The following TALDO1 variants were observed in gnomAD, a reference collection of about 807,000 sequenced individuals.
TALDO1 encodes transaldolase 1, also known as transaldolase.
A neutral mutation model predicts 38.1 loss-of-function variants in TALDO1; 29 were observed. The ratio of observed to expected loss-of-function variants is 0.76; its 90% confidence interval spans 0.57 to 1.04. The LOEUF is 1.04. Ranked by LOEUF, TALDO1 falls within the 50% of genes least tolerant of loss-of-function variation. The pLI is 0.00. For missense variants in TALDO1, 499 were observed against 438.1 expected, an observed-to-expected ratio of 1.14 and a Z score of -1.24; for synonymous variants, 207 against 176.8, an observed-to-expected ratio of 1.17 and a Z score of -1.36.
chr11:755,346 G>A (rs1420668253), intron 1 of TALDO1, among the ~76,000 whole-genome samples: 9 of 151,922 alleles, frequency 5.9e-5, no homozygotes, highest in East Asian at 5.8e-4. Flanking sequence ...GGGTTTCACC[G>A]TGTTAGCCAG....
chr11:749,935 C>T (rs1322685185), intron 1 of TALDO1, among the ~76,000 whole-genome samples: 1 of 152,154 alleles, frequency 6.6e-6, no homozygotes, highest in Non-Finnish European at 1.5e-5. Context: ...GCAAAATCAG[C>T]CCATACAGTC....
chr11:760,122 GCT>G lies in TALDO1; in HGVS notation c.334_335del (p.Ser112LeufsTer2), dbSNP rs1862904418. ...GRVSTEVDAR[L>X]SFDKDAMVAR... ...GGATGGGTTCTTCTTGCTCCTACAG[GCT>G]CTCCTTTGATAAAGATGCGATGGTG... On this transcript the variant is annotated frameshift_variant and splice_region_variant, in exon 4 of 8. Transcript: ENST00000319006. LOFTEE classifies it high-confidence loss of function. 6.2e-7 allele frequency: 1 copy of G among 1,613,858 alleles called. No homozygotes were observed. Among genetic ancestry groups the G allele is most frequent in the Non-Finnish European group, 8.5e-7 (1 of 1,179,952 alleles).
At chr11:759,436 A>AT (rs529006187) in intron 3 of TALDO1, among the ~76,000 whole-genome samples, 91 of 147,340 alleles carry the variant, frequency 6.2e-4, no homozygotes, top group African/African-American at 2.2e-3. Context: ...AATTTGTTGT[A>AT]TTTTTAATAG....
chr11:756,001 G>A lies in TALDO1; in HGVS notation c.220G>A (p.Gly74Arg), dbSNP rs369084696. The change falls in exon 2 of 8, where the codon GGG becomes AGG. Residue 74 changes from glycine to arginine, a missense_variant and splice_region_variant. Physicochemically the swap from Gly to Arg is moderately radical, Grantham distance 125. Coordinates refer to ENST00000319006, the MANE Select transcript of TALDO1 (RefSeq NM_006755.2). Reference protein sequence around the residue: ...EAIAYGRKLGGSQEDQIKNAI... With the variant: ...EAIAYGRKLGRSQEDQIKNAI... ...GATTGCCTATGGCCGGAAGCTGGGC[G>A]GGTGAGTGCCTGGACTCGGGAGGGT... 19 of 1,612,520 alleles carry A rather than the reference G, an allele frequency of 1.2e-5. No homozygotes were observed. Among genetic ancestry groups the A allele is most frequent in the East Asian group, 8.9e-5 (4 of 44,876 alleles).
rs1862889473 is a variant in TALDO1 at position 759,024 on chromosome 11, T to C, written c.296T>C (p.Ile99Thr). Residue 99 changes from isoleucine (I) to threonine (T), a missense_variant, in exon 3 of 8, where the codon ATT (isoleucine) becomes ACT (threonine). Physicochemically the swap from Ile to Thr is moderately conservative, Grantham distance 89. Transcript: ENST00000319006. ...VLFGAEILKK[I>T]PGRVSTEVDA... is the part of the protein sequence containing the mutation. ...TTTGGAGCAGAAATACTAAAGAAGA[T>C]TCCGGGCCGAGTATCCACAGAAGTA... 1.9e-6 allele frequency: 3 copies of C among 1,612,912 alleles called. No homozygotes were observed. The highest frequency in any genetic ancestry group is 2.5e-6 in the Non-Finnish European group (3 of 1,179,282).
chr11:757,962 C>G (rs969445975), intron 2 of TALDO1, among the ~76,000 whole-genome samples: 54 of 152,160 alleles, frequency 3.5e-4, no homozygotes, highest in African/African-American at 1.3e-3. Context: ...TAGGGCAAAA[C>G]TCTGTCTCTA....
chr11:763,785 A>T lies in TALDO1; in HGVS notation c.676A>T (p.Lys226Ter), dbSNP rs896485161. ...SVTKIYNYYK[K>*]FSYKTIVMGA... ...CACTAAAATCTACAACTACTACAAG[A>T]AGTTTAGCTACAAAACCATTGTCAT... The change falls in exon 6 of 8, where the codon AAG becomes TAG. Residue 226 changes from lysine to a stop codon, truncating the protein, a stop_gained. Coordinates refer to ENST00000319006, the MANE Select transcript of TALDO1 (RefSeq NM_006755.2). LOFTEE classifies it high-confidence loss of function. 2.5e-6 allele frequency: 4 copies of T among 1,614,038 alleles called. No individual in the cohort carries two copies. The highest frequency in any genetic ancestry group is 1.1e-5 in the South Asian group (1 of 91,088).
chr11:758,027 T>C (rs1862867051), intron 2 of TALDO1, among the ~76,000 whole-genome samples: 2 of 152,234 alleles, frequency 1.3e-5, no homozygotes. Context: ...CTCACGCCTG[T>C]AATCCCAGCA....
At chr11:751,717 C>G (rs1862754479) in intron 1 of TALDO1, among the ~76,000 whole-genome samples, 1 of 152,080 alleles carries the variant, frequency 6.6e-6, no homozygotes, top group African/African-American at 2.4e-5. Flanking sequence ...ATTGCTTGAA[C>G]CTGGAAGACG....
In TALDO1 at chr11:755,899, C is replaced by G; in HGVS notation, c.118C>G (p.Gln40Glu). 1 of 1,614,200 alleles carries G rather than the reference C, an allele frequency of 6.2e-7. No homozygotes were observed. The highest frequency in any genetic ancestry group is 1.1e-5 in the South Asian group (1 of 91,076). ...CCTAGCCATCGACGAGTACAAGCCC[C>G]AGGATGCTACCACCAACCCGTCCCT... is the stretch of plus-strand genomic sequence containing the variant. ...DFHAIDEYKP[Q>E]DATTNPSLIL... is the part of the protein sequence containing the mutation. Residue 40 changes from glutamine to glutamate, a missense_variant, in exon 2 of 8, where the codon CAG (glutamine) becomes GAG (glutamate). Physicochemically the swap from Gln to Glu is conservative, Grantham distance 29. Transcript: ENST00000319006.
intron 4 of TALDO1, among the ~76,000 whole-genome samples, chr11:762,491 ATG>A (rs148017993): frequency 0.016 from 2,391 of 152,238 alleles, 30 homozygotes; most frequent in Non-Finnish European, 0.023. Context: ...TGTCCTGGAC[ATG>A]TGTTTTTGTT....
intron 3 of TALDO1, among the ~76,000 whole-genome samples, chr11:759,785 T>G (rs951050174): frequency 6.6e-6 from 1 of 152,200 alleles, no homozygotes. Context: ...TTTCACCATG[T>G]TGGCCAGGAT....
At chr11:757,437 T>A (rs1173844670) in intron 2 of TALDO1, among the ~76,000 whole-genome samples, 1 of 151,780 alleles carries the variant, frequency 6.6e-6, no homozygotes, top group East Asian at 1.9e-4. Flanking sequence ...GGACTACAGG[T>A]GCACGCCACC....
chr11:764,694 G>T, intron 7 of TALDO1, 119 bp from the exon 8 acceptor site: 1 of 1,522,926 alleles, frequency 6.6e-7, no homozygotes, highest in Non-Finnish European at 9.1e-7. Flanking sequence ...TGTGGCCGTG[G>T]CCCCCACACA....
At chr11:764,722 G>A (rs1863019536) in intron 7 of TALDO1, 91 bp from the exon 8 acceptor site, 4 of 1,598,180 alleles carry the variant, frequency 2.5e-6, no homozygotes, top group South Asian at 2.2e-5. Context: ...GACCCCACAA[G>A]GGCCTCCCTC....
intron 1 of TALDO1, among the ~76,000 whole-genome samples, chr11:753,389 G>A (rs1236189839): frequency 6.6e-6 from 1 of 152,116 alleles, no homozygotes; most frequent in Non-Finnish European, 1.5e-5. Flanking sequence ...AAACTAGCCG[G>A]CCGCAGTGGC....
rs1862888587 is a variant in TALDO1, at chr11:758,978, AT to A, written c.252del (p.Ile84MetfsTer13). 6.2e-7 allele frequency: 1 copy of A among 1,612,200 alleles called. No homozygotes were observed. Among genetic ancestry groups the A allele is most frequent in the African/African-American group, 1.3e-5 (1 of 74,860 alleles). ...GSQEDQIKNA[I>X]DKLFVLFGAE... ...ACAAGAGGACCAGATTAAAAATGCTATTGATAAACTTTTTGTGTTGTTTGGA... is the reference window on the plus strand; with the variant it reads ...ACAAGAGGACCAGATTAAAAATGCTATGATAAACTTTTTGTGTTGTTTGGA... On this transcript the variant is annotated frameshift_variant, in exon 3 of 8. Coordinates refer to ENST00000319006, the MANE Select transcript of TALDO1 (RefSeq NM_006755.2). LOFTEE classifies it high-confidence loss of function.
intron 4 of TALDO1, 142 bp from the exon 5 acceptor site, chr11:763,202 C>CG: frequency 5.2e-6 from 1 of 192,298 alleles, no homozygotes. Flanking sequence ...CCGCCCTCAC[C>CG]TGCCCCGCCC....
chr11:763,640 C>A, intron 5 of TALDO1, 107 bp from the exon 6 acceptor site: 1 of 1,565,902 alleles, frequency 6.4e-7, no homozygotes, highest in Non-Finnish European at 8.8e-7. Flanking sequence ...CGGCGCGGGG[C>A]AGGCAGGGGT....
Sources: gnomAD v4.1 joint callset for allele counts (sites outside exome capture counted in the v4.1 genomes callset) on GRCh38, gnomAD v4.1.1 for gene constraint, MANE v1.5 for transcripts, NCBI Gene and HGNC (gene_info 2026-07-23, HGNC 2026-07-21) for gene names.